The following TMEM120B variants were observed in gnomAD, a reference collection of about 807,000 sequenced individuals.
The protein encoded by TMEM120B is transmembrane protein 120B.
Under a neutral mutation model 55.5 loss-of-function variants are expected in TMEM120B, and 31 were observed. The ratio of observed to expected loss-of-function variants is 0.56; its 90% confidence interval spans 0.42 to 0.75. The LOEUF is 0.75. Ranked by LOEUF, TMEM120B falls within the 30% of genes least tolerant of loss-of-function variation. The pLI is 0.00. For synonymous variants in TMEM120B, 203 were observed against 176.3 expected (o/e 1.15, Z -1.20); for missense variants, 399 against 425.5 (o/e 0.94, Z 0.55).
intron 1 of TMEM120B, among the ~76,000 whole-genome samples, chr12:121,733,665 G>T (rs1380223618): frequency 1.3e-5 from 2 of 151,836 alleles, no homozygotes; most frequent in Non-Finnish European, 2.9e-5. Context: ...AGCCTCCCAA[G>T]TAACTGGGAT....
At chr12:121,754,660 G>A (rs186998123) in intron 5 of TMEM120B, among the ~76,000 whole-genome samples, 13 of 152,322 alleles carry the variant, frequency 8.5e-5, no homozygotes, top group African/African-American at 2.9e-4. Flanking sequence ...CTTCCCTAGT[G>A]TAAGGACACT....
chr12:121,713,388 G>C (rs1027549457), intron 1 of TMEM120B, among the ~76,000 whole-genome samples: 8 of 152,304 alleles, frequency 5.3e-5, no homozygotes, highest in African/African-American at 1.9e-4. Flanking sequence ...CCGTGCTCTG[G>C]CGGGGCAGCA....
At chr12:121,749,657 G>T (rs891593689) in intron 3 of TMEM120B, among the ~76,000 whole-genome samples, 5 of 152,182 alleles carry the variant, frequency 3.3e-5, no homozygotes, top group Non-Finnish European at 7.4e-5. Flanking sequence ...TGTAATCCCA[G>T]CACTTTGGGA....
At chr12:121,749,243 A>G (rs2137175923) in intron 3 of TMEM120B, among the ~76,000 whole-genome samples, 1 of 152,256 alleles carries the variant, frequency 6.6e-6, no homozygotes, top group Admixed American at 6.5e-5. Context: ...GAGTTAAGTG[A>G]TGATCATTTT....
chr12:121,775,192 G>T lies in TMEM120B; in HGVS notation c.906+62G>T. 1 of 1,453,280 alleles carries T rather than the reference G, an allele frequency of 6.9e-7. No homozygotes were observed. Among genetic ancestry groups the T allele is most frequent in the South Asian group, 1.2e-5 (1 of 84,456 alleles). 90.0% of individuals were successfully genotyped at this position (1,453,280 alleles called of 1,614,324 possible). On this transcript the variant is annotated intron_variant, in intron 11 of 11. Coordinates refer to ENST00000449592, the MANE Select transcript of TMEM120B (RefSeq NM_001080825.2). The surrounding 1 kb of genome is among the most constrained non-coding windows in gnomAD (Gnocchi z 4.3). The stretch of plus-strand genomic sequence containing the variant: ...GGGAGGGCTGGGGTGGCAGGGATGG[G>T]GTGTATGTGTGGCATGCTGGGGTGC...
intron 6 of TMEM120B, among the ~76,000 whole-genome samples, chr12:121,762,584 A>T (rs1039571969): frequency 1.3e-5 from 2 of 152,058 alleles, no homozygotes; most frequent in African/African-American, 4.8e-5. Context: ...CCTCACACCC[A>T]CCCTGATAGC....
chr12:121,742,809 C>T (rs1268169598), intron 1 of TMEM120B, among the ~76,000 whole-genome samples: 1 of 152,046 alleles, frequency 6.6e-6, no homozygotes, highest in Non-Finnish European at 1.5e-5. Flanking sequence ...AACTCCTGAC[C>T]TCTGATCTAC....
At chr12:121,754,573 T>G (rs1023267769) in intron 5 of TMEM120B, among the ~76,000 whole-genome samples, 2 of 152,190 alleles carry the variant, frequency 1.3e-5, no homozygotes, top group Admixed American at 6.5e-5. Context: ...TTCTGGGAAT[T>G]GCCAGCAAGC....
intron 1 of TMEM120B, among the ~76,000 whole-genome samples, chr12:121,735,892 G>A (rs1167201476): frequency 2.6e-5 from 4 of 151,908 alleles, no homozygotes; most frequent in African/African-American, 9.7e-5. Context: ...GGGTTTCACC[G>A]TGTTAGTCAG....
At chr12:121,726,592 AAAT>A (rs1566507469) in intron 1 of TMEM120B, among the ~76,000 whole-genome samples, 5 of 148,016 alleles carry the variant, frequency 3.4e-5, no homozygotes, top group African/African-American at 1.0e-4. Flanking sequence ...AAAAAAAATA[AAAT>A]AAAATAATAA....
intron 1 of TMEM120B, among the ~76,000 whole-genome samples, chr12:121,726,847 G>A (rs1167265887): frequency 8.3e-5 from 12 of 144,998 alleles, no homozygotes; most frequent in Admixed American, 6.4e-4. Flanking sequence ...GATGGAGGTT[G>A]CAGTGAACTG....
At chr12:121,744,310 A>G (rs913308447) in intron 2 of TMEM120B, among the ~76,000 whole-genome samples, 12 of 152,220 alleles carry the variant, frequency 7.9e-5, no homozygotes, top group Admixed American at 2.6e-4. Flanking sequence ...TTTGTGAACC[A>G]ATCACTGAGA....
chr12:121,750,704 TGCC>T (rs1873260700), intron 4 of TMEM120B, among the ~76,000 whole-genome samples: 1 of 74,598 alleles, frequency 1.3e-5, no homozygotes, highest in African/African-American at 5.6e-5. Flanking sequence ...CCACACCCCA[TGCC>T]AACACCCCAC....
intron 3 of TMEM120B, among the ~76,000 whole-genome samples, chr12:121,748,906 C>T (rs994175095): frequency 3.3e-5 from 5 of 152,200 alleles, no homozygotes; most frequent in Non-Finnish European, 7.3e-5. Flanking sequence ...AGCAGACATT[C>T]TGACTCCAAA....
intron 1 of TMEM120B, among the ~76,000 whole-genome samples, chr12:121,740,032 G>C (rs1592932480): frequency 6.6e-6 from 1 of 152,106 alleles, no homozygotes; most frequent in East Asian, 1.9e-4. Context: ...GCCCATCTTG[G>C]CCTCCCAAAG....
At chr12:121,733,038 C>A (rs1321759713) in intron 1 of TMEM120B, among the ~76,000 whole-genome samples, 2 of 151,872 alleles carry the variant, frequency 1.3e-5, no homozygotes, top group East Asian at 3.9e-4. Context: ...AATTTTACCT[C>A]TCTTCCCCAG....
Position 121,779,745 on chromosome 12 carries a change from G to C in TMEM120B, c.*4023G>C. 6.8e-7 allele frequency: 1 copy of C among 1,464,598 alleles called. No homozygotes were observed. Among genetic ancestry groups the C allele is most frequent in the Non-Finnish European group, 9.4e-7 (1 of 1,063,232 alleles). The allele number at this position is 1,464,598 out of a possible 1,614,324, so 90.7% of individuals were successfully genotyped here. A position where few individuals can be genotyped will look rare whatever the true frequency, so the allele number is the denominator to read the frequency against. Reference sequence around the variant, plus strand: ...ACCTGGTGGGTTTGGGACTGGCTCTGAGGACTCTGCAGGGATGGAGGCCTT... The same window carrying C: ...ACCTGGTGGGTTTGGGACTGGCTCTCAGGACTCTGCAGGGATGGAGGCCTT... On this transcript the variant is annotated 3_prime_UTR_variant, in exon 12 of 12. Coordinates refer to ENST00000449592, the MANE Select transcript of TMEM120B (RefSeq NM_001080825.2).
rs12312375 is a variant in TMEM120B at position 121,779,030 on chromosome 12, T to C, written c.*3308T>C. The stretch of plus-strand genomic sequence containing the variant: ...GGCCCAGCCCCCTCGGTGGCCTCCG[T>C]GTTCCTGGGGGAAGGAAGGAAGGAG... On this transcript the variant is annotated 3_prime_UTR_variant, in exon 12 of 12. Transcript: ENST00000449592. The C allele has an allele frequency of 0.22, 34,935 of 161,468 alleles. 4,530 individuals carry two copies. The highest frequency in any genetic ancestry group is 0.37 in the African/African-American group (15,380 of 41,630). The allele number at this position is 161,468 out of a possible 1,614,324, so 10.0% of individuals were successfully genotyped here.
In TMEM120B at chr12:121,780,767, C is replaced by T; in HGVS notation, c.*5045C>T. On this transcript the variant is annotated 3_prime_UTR_variant, in exon 12 of 12. Coordinates refer to ENST00000449592, the MANE Select transcript of TMEM120B (RefSeq NM_001080825.2). ...AAAAATTATTCTTAGAATCTTGCTT[C>T]CCTCAGCTCCCTGAAAGGCCACTAA... The T allele has an allele frequency of 3.9e-6, 5 of 1,297,200 alleles. No homozygotes were observed. Among genetic ancestry groups the T allele is most frequent in the Non-Finnish European group, 5.3e-6 (5 of 950,516 alleles). The allele number at this position is 1,297,200 out of a possible 1,614,324, so 80.4% of individuals were successfully genotyped here.
Sources: gnomAD v4.1 joint callset for allele counts (sites outside exome capture counted in the v4.1 genomes callset) on GRCh38, gnomAD v4.1.1 for gene constraint, Gnocchi (gnomAD v3.1) non-coding constraint, MANE v1.5 for transcripts, NCBI Gene and HGNC (gene_info 2026-07-23, HGNC 2026-07-21) for gene names.